LAMC1: variants seen among roughly 807,000 people sequenced by gnomAD.
LAMC1 encodes the protein laminin subunit gamma 1, also known as laminin subunit gamma-1.
A neutral mutation model predicts 173.6 loss-of-function variants in LAMC1; 38 were observed. The observed-to-expected ratio is 0.22, with a 90% confidence interval of 0.17 to 0.29. The LOEUF is 0.29. LAMC1 is among the 10% of genes least tolerant of loss of function. The pLI is 1.00. For missense variants in LAMC1, 1,824 were observed against 2,051.8 expected, an observed-to-expected ratio of 0.89 and a Z score of 2.14; for synonymous variants, 746 against 749.1, an observed-to-expected ratio of 1.00 and a Z score of 0.07.
At chr1:183,087,640 GTTC>G (rs1257934404) in intron 1 of LAMC1, among the ~76,000 whole-genome samples, 2 of 152,068 alleles carry the variant, frequency 1.3e-5, no homozygotes, top group East Asian at 3.9e-4. Context: ...GGCTGAAGGA[GTTC>G]TTCTGGAAAG....
At chr1:183,024,888 G>A (rs1653644244) in intron 1 of LAMC1, among the ~76,000 whole-genome samples, 1 of 152,242 alleles carries the variant, frequency 6.6e-6, no homozygotes, top group South Asian at 2.1e-4. Context: ...TGATGTTTCA[G>A]AAATCAGGAA....
At chr1:183,069,416 A>G (rs1324960597) in intron 1 of LAMC1, among the ~76,000 whole-genome samples, 1 of 152,210 alleles carries the variant, frequency 6.6e-6, no homozygotes, top group Non-Finnish European at 1.5e-5. Context: ...GTAATGTCCT[A>G]TGTCTGTGCA....
chr1:183,136,767 A>T (rs1656955876), intron 25 of LAMC1, among the ~76,000 whole-genome samples, 182 bp downstream of exon 25: 1 of 149,878 alleles, frequency 6.7e-6, no homozygotes, highest in Non-Finnish European at 1.5e-5. Flanking sequence ...ATCCACATTG[A>T]GGAGGGGAAC....
At chr1:183,113,267 T>G (rs1447530451) in intron 4 of LAMC1, among the ~76,000 whole-genome samples, 7 of 152,146 alleles carry the variant, frequency 4.6e-5, no homozygotes, top group African/African-American at 1.7e-4. Context: ...CAATGAGTTA[T>G]GGTGACACCA....
chr1:183,096,428 G>A (rs919077965), intron 1 of LAMC1: 1 of 152,090 alleles, frequency 6.6e-6, no homozygotes, highest in South Asian at 2.1e-4. Context: ...TTACCTACCT[G>A]CTTTGTTATA....
chr1:183,076,691 T>G (rs1406474211), intron 1 of LAMC1, among the ~76,000 whole-genome samples: 1 of 152,208 alleles, frequency 6.6e-6, no homozygotes, highest in Non-Finnish European at 1.5e-5. Flanking sequence ...CAAGACAAAG[T>G]CCGTCTGCCA....
chr1:183,076,739 A>G (rs1655128086), intron 1 of LAMC1, among the ~76,000 whole-genome samples: 1 of 152,252 alleles, frequency 6.6e-6, no homozygotes. Context: ...TTGCCAGTCC[A>G]TCATGTGGAT....
intron 18 of LAMC1, 22 bp downstream of exon 18, chr1:183,128,772 A>T (rs1420174864): frequency 6.4e-7 from 1 of 1,569,068 alleles, no homozygotes; most frequent in Non-Finnish European, 8.7e-7. Context: ...TGAACAGTGC[A>T]TGACTTCTGT....
chr1:183,108,731 C>T (rs1301763678), intron 3 of LAMC1, among the ~76,000 whole-genome samples: 1 of 152,210 alleles, frequency 6.6e-6, no homozygotes, highest in Non-Finnish European at 1.5e-5. Flanking sequence ...GTAAGACTCA[C>T]CTTATCCTAC....
At position 183,023,753 on chromosome 1, in the gene LAMC1, C is replaced by T. The variant is rs773807358; in HGVS notation, c.37C>T (p.Pro13Ser). The change falls in exon 1 of 28, where the codon CCC becomes TCC. Residue 13 changes from proline to serine, a missense_variant. Coordinates refer to ENST00000258341, the MANE Select transcript of LAMC1 (RefSeq NM_002293.4). ...CCATCGGGCCGCGCCGGCCCTGCGG[C>T]CCCGGGGGCGGCTCTGGCCCGTGCT... ...GSHRAAPALR[P>S]RGRLWPVLAV... 9 of 1,217,202 alleles carry T rather than the reference C, an allele frequency of 7.4e-6. No homozygotes were observed. Among genetic ancestry groups the T allele is most frequent in the Non-Finnish European group, 9.3e-6 (9 of 969,922 alleles). The allele number at this position is 1,217,202 out of a possible 1,614,324, so 75.4% of individuals were successfully genotyped here.
intron 1 of LAMC1, among the ~76,000 whole-genome samples, chr1:183,062,588 T>C (rs1285178667): frequency 6.6e-6 from 1 of 151,842 alleles, no homozygotes; most frequent in Non-Finnish European, 1.5e-5. Flanking sequence ...GGAGGTGGAG[T>C]GAGCCAGAAT....
At chr1:183,114,205 G>A (rs1050696943) in intron 4 of LAMC1, among the ~76,000 whole-genome samples, 1 of 152,188 alleles carries the variant, frequency 6.6e-6, no homozygotes. Flanking sequence ...AAGTGGCTGG[G>A]ATTACAGGCA....
At chr1:183,114,815 G>A (rs1310998319) in intron 5 of LAMC1, 96 bp downstream of exon 5, 2 of 1,168,830 alleles carry the variant, frequency 1.7e-6, no homozygotes, top group East Asian at 2.4e-5. Flanking sequence ...ACAACTAAAT[G>A]TGGAGATGTA....
rs1264959209 is a variant in LAMC1, at chr1:183,134,109, CTG to C, written c.3850-549_3850-548del. 3.3e-5 allele frequency among the ~76,000 whole-genome samples: 5 copies of C among 152,244 alleles called. No homozygotes were observed. In the South Asian group the frequency reaches 8.3e-4, roughly 25 times the overall value. ...GAATTGGTAGGATTTTATTTCATAT[CTG>C]TACTCTTAATCATGGATTCTCACTC... On this transcript the variant is annotated intron_variant, in intron 22 of 27. Coordinates refer to ENST00000258341, the MANE Select transcript of LAMC1 (RefSeq NM_002293.4).
intron 1 of LAMC1, among the ~76,000 whole-genome samples, chr1:183,094,944 C>T (rs60472136): frequency 0.045 from 6,799 of 151,866 alleles, 333 homozygotes; most frequent in African/African-American, 0.12. Flanking sequence ...CCTCCCGATT[C>T]AAGTGATTCT....
intron 1 of LAMC1, among the ~76,000 whole-genome samples, chr1:183,084,450 TAAGAA>T (rs1218448056): frequency 3.9e-5 from 6 of 152,184 alleles, no homozygotes; most frequent in South Asian, 2.1e-4. Context: ...ATTTTTCTCT[TAAGAA>T]AAGCAAAAGA....
intron 1 of LAMC1, among the ~76,000 whole-genome samples, chr1:183,090,770 C>T (rs899321415): frequency 2.0e-5 from 3 of 152,128 alleles, no homozygotes; most frequent in African/African-American, 7.2e-5. Context: ...TAATCAGTTT[C>T]CCCCCTTCAC....
intron 26 of LAMC1, among the ~76,000 whole-genome samples, chr1:183,139,281 T>G (rs1382456293): frequency 6.6e-6 from 1 of 152,200 alleles, no homozygotes; most frequent in African/African-American, 2.4e-5. Context: ...ATGCACTATC[T>G]CATTTGTATT....
At chr1:183,054,453 T>A (rs1261708833) in intron 1 of LAMC1, among the ~76,000 whole-genome samples, 2 of 152,214 alleles carry the variant, frequency 1.3e-5, no homozygotes, top group African/African-American at 4.8e-5. Flanking sequence ...GGGACTGGTA[T>A]CACTTGTTAC....
Sources: allele counts gnomAD v4.1 joint callset (sites outside exome capture counted in the v4.1 genomes callset), GRCh38; gene constraint gnomAD v4.1.1; transcripts MANE v1.5; gene names NCBI Gene and HGNC (gene_info 2026-07-23, HGNC 2026-07-21).